Variants in GAS7 observed in about 807,000 individuals in gnomAD.
The protein encoded by GAS7 is growth arrest-specific protein 7.
Under a neutral mutation model 71.1 loss-of-function variants are expected in GAS7, and 28 were observed. The ratio of observed to expected loss-of-function variants is 0.39; its 90% CI spans 0.29 to 0.54. The LOEUF (loss-of-function observed/expected upper bound fraction) is 0.54. Ranked by LOEUF, GAS7 falls within the 20% of genes least tolerant of loss-of-function variation. The pLI is 0.62. For synonymous variants in GAS7, 258 were observed against 245.8 expected (o/e 1.05, Z -0.46); for missense variants, 436 against 627.8 (o/e 0.69, Z 3.27).
At chr17:10,032,841 T>C (rs1319299532) in intron 1 of GAS7, among the ~76,000 whole-genome samples, 2 of 152,148 alleles carry the variant, frequency 1.3e-5, no homozygotes, top group African/African-American at 4.8e-5. Flanking sequence ...AAATCTGACT[T>C]AGAATCGGTG....
At chr17:9,980,570 C>A (rs1287394533) in intron 3 of GAS7, among the ~76,000 whole-genome samples, 1 of 152,232 alleles carries the variant, frequency 6.6e-6, no homozygotes, top group Non-Finnish European at 1.5e-5. Context: ...GACTTTCATG[C>A]TTTGCTGCCA....
At chr17:10,069,647 G>A in intron 1 of GAS7, among the ~76,000 whole-genome samples, 1 of 152,138 alleles carries the variant, frequency 6.6e-6, no homozygotes, top group South Asian at 2.1e-4. Flanking sequence ...CCCACAGCCG[G>A]AGACCCTGAA....
At position 9,925,507 on chromosome 17, in the gene GAS7, G is replaced by C. The variant is rs370876732; in HGVS notation, c.1107C>G (p.Ile369Met). The C allele has an allele frequency of 1.5e-5, 24 of 1,613,986 alleles. No individual in the cohort carries two copies. The African/African-American group carries it at 2.8e-4, about 19-fold the overall frequency. ...IKLSNKTEED[I>M]KKARRKSTQA... Reference sequence around the variant, plus strand: ...GTGTGGACTTTCTCCGCGCCTTCTTGATGTCCTCCTCTGTCTTGTTGCTCA... The same window carrying C: ...GTGTGGACTTTCTCCGCGCCTTCTTCATGTCCTCCTCTGTCTTGTTGCTCA... The change falls in exon 11 of 14, where the codon ATC (isoleucine) becomes ATG (methionine). Residue 369 changes from isoleucine to methionine, a missense_variant. Coordinates refer to ENST00000432992, the MANE Select transcript of GAS7 (RefSeq NM_201433.2).
chr17:10,112,264 C>T (rs1244892679), intron 1 of GAS7, among the ~76,000 whole-genome samples: 2 of 152,168 alleles, frequency 1.3e-5, no homozygotes, highest in Non-Finnish European at 1.5e-5. Context: ...GGATGCTTTC[C>T]AGGGGTGTTT....
chr17:10,184,975 G>A (rs1651323358), intron 1 of GAS7, among the ~76,000 whole-genome samples: 1 of 149,654 alleles, frequency 6.7e-6, no homozygotes, highest in South Asian at 2.1e-4. Context: ...CACTCAGGCT[G>A]GAGTGCAGTG....
chr17:10,009,551 CT>C (rs1466724442), intron 2 of GAS7, among the ~76,000 whole-genome samples: 3 of 151,352 alleles, frequency 2.0e-5, no homozygotes, highest in Admixed American at 1.3e-4. Context: ...ATCTATAGAG[CT>C]TAAAAGCCTG....
intron 2 of GAS7, among the ~76,000 whole-genome samples, chr17:10,002,121 C>T (rs992636144): frequency 3.9e-5 from 6 of 152,192 alleles, no homozygotes; most frequent in Non-Finnish European, 5.9e-5. Context: ...TAACAAAATG[C>T]CACATTACTG....
chr17:10,017,083 A>C (rs1052926475), intron 2 of GAS7, among the ~76,000 whole-genome samples: 15 of 151,272 alleles, frequency 9.9e-5, no homozygotes, highest in Non-Finnish European at 1.9e-4. Context: ...GTGAGCCATG[A>C]TTGTGCCACT....
chr17:10,120,218 A>C (rs780905344), intron 1 of GAS7, among the ~76,000 whole-genome samples: 2 of 152,004 alleles, frequency 1.3e-5, no homozygotes, highest in Non-Finnish European at 2.9e-5. Flanking sequence ...TACCAACAGA[A>C]GGTACGGCCA....
chr17:10,097,246 C>A (rs1346816592), intron 1 of GAS7, among the ~76,000 whole-genome samples: 1 of 152,234 alleles, frequency 6.6e-6, no homozygotes, highest in African/African-American at 2.4e-5. Context: ...TCCAACAAGA[C>A]CGCAAGCTCC....
At chr17:9,979,874 A>C (rs926209008) in intron 3 of GAS7, among the ~76,000 whole-genome samples, 4 of 151,622 alleles carry the variant, frequency 2.6e-5, no homozygotes, top group African/African-American at 7.3e-5. Context: ...AAAAAAAAAA[A>C]AAACACAAGA....
rs143041849 is a variant in GAS7, at chr17:9,912,899, C to T, written c.*4329G>A. The T allele has an allele frequency of 3.9e-5, 9 of 232,870 alleles. No individual in the cohort carries two copies. Among genetic ancestry groups the T allele is most frequent in the Middle Eastern group, 1.3e-3 (1 of 784 alleles). 14.4% of individuals were successfully genotyped at this position (232,870 alleles called of 1,614,324 possible). A position where few individuals can be genotyped will look rare whatever the true frequency, so the allele number is the denominator to read the frequency against. ...CGGCAAGGAGAAGGAACAAACCACA[C>T]GCACACATCATGAATGACTCAAAAG... On this transcript the variant is annotated 3_prime_UTR_variant, in exon 14 of 14. Coordinates refer to ENST00000432992, the MANE Select transcript of GAS7 (RefSeq NM_201433.2).
intron 4 of GAS7, among the ~76,000 whole-genome samples, chr17:9,963,047 A>G (rs1301247768): frequency 6.6e-6 from 1 of 150,820 alleles, no homozygotes; most frequent in Non-Finnish European, 1.5e-5. Flanking sequence ...ATGAAAAAAA[A>G]AAAAAAGAAA....
At position 10,116,594 on chromosome 17, in the gene GAS7, G is replaced by A. The variant is rs938354354; in HGVS notation, c.183+81614C>T. 3.7e-4 allele frequency among the ~76,000 whole-genome samples: 56 copies of A among 152,262 alleles called. 3 individuals carry two copies. The highest frequency in any genetic ancestry group is 2.1e-3 in the Admixed American group (32 of 15,296). On this transcript the variant is annotated intron_variant, in intron 1 of 13. Coordinates refer to ENST00000432992, the MANE Select transcript of GAS7 (RefSeq NM_201433.2). Reference sequence around the variant, plus strand: ...AAGTCACTTACAGGAGAGCTCTTGCGGGTAGGGAGTGGGTCTGAAGTGGAC... The same window carrying A: ...AAGTCACTTACAGGAGAGCTCTTGCAGGTAGGGAGTGGGTCTGAAGTGGAC...
chr17:10,119,197 C>T (rs529824742), intron 1 of GAS7, among the ~76,000 whole-genome samples: 41 of 152,222 alleles, frequency 2.7e-4, no homozygotes, highest in Admixed American at 1.4e-3. Flanking sequence ...AGAAGGTGAT[C>T]GGGGGAATAG....
At position 9,969,204 on chromosome 17, in the gene GAS7, G is replaced by A. The variant is rs908947787; in HGVS notation, c.471+473C>T. ...AGACTGAGAAAACAGTTTGGAAATCGTACAACATACTCCCATTTCCTTCCA... is the reference window on the plus strand; with the variant it reads ...AGACTGAGAAAACAGTTTGGAAATCATACAACATACTCCCATTTCCTTCCA... On this transcript the variant is annotated intron_variant, in intron 4 of 13. Coordinates refer to ENST00000432992, the MANE Select transcript of GAS7 (RefSeq NM_201433.2). This position sits in a 1 kb window ranked among gnomAD's most constrained non-coding sequence, Gnocchi z 5.5. Among the ~76,000 whole-genome samples the A allele has an allele frequency of 4.6e-5, 7 of 152,134 alleles. 1 individual carries two copies. In the South Asian group the frequency reaches 1.2e-3, roughly 27 times the overall value.
At chr17:10,098,257 C>T (rs1469560465) in intron 1 of GAS7, among the ~76,000 whole-genome samples, 1 of 152,156 alleles carries the variant, frequency 6.6e-6, no homozygotes, top group African/African-American at 2.4e-5. Flanking sequence ...GGGGACCTCC[C>T]TCTAGGACTA....
chr17:10,014,487 C>T (rs1434976525), intron 2 of GAS7, among the ~76,000 whole-genome samples: 2 of 152,156 alleles, frequency 1.3e-5, no homozygotes, highest in African/African-American at 4.8e-5. Context: ...TCAAAATGCC[C>T]CAAGGCCCCT....
intron 1 of GAS7, among the ~76,000 whole-genome samples, chr17:10,179,186 G>A (rs562921393): frequency 2.6e-5 from 4 of 152,032 alleles, no homozygotes; most frequent in South Asian, 2.1e-4. Flanking sequence ...AAAATTAGCC[G>A]GGCGTGGTGG....
Sources: allele counts gnomAD v4.1 joint callset (sites outside exome capture counted in the v4.1 genomes callset), GRCh38; gene constraint gnomAD v4.1.1; non-coding constraint Gnocchi (gnomAD v3.1); transcripts MANE v1.5; gene names NCBI Gene and HGNC (gene_info 2026-07-23, HGNC 2026-07-21).